SYT1: variants seen among roughly 807,000 people sequenced by gnomAD.
SYT1 encodes synaptotagmin-1.
SYT1 carries 8 observed loss-of-function variants against 44.8 expected under a neutral mutation model. The observed-to-expected ratio is 0.18, with a 90% CI of 0.10 to 0.32. The LOEUF is 0.32. SYT1 is among the 10% of genes least tolerant of loss of function. The pLI is 1.00. For synonymous variants in SYT1, 154 were observed against 188.8 expected (o/e 0.82, Z 1.51); for missense variants, 286 against 509.3 (o/e 0.56, Z 4.22).
At chr12:79,182,020 C>T (rs962429269) in intron 3 of SYT1, among the ~76,000 whole-genome samples, 16 of 152,082 alleles carry the variant, frequency 1.1e-4, no homozygotes, top group African/African-American at 3.9e-4. Context: ...TTTGTCTACA[C>T]ACATGTATAG....
intron 2 of SYT1, among the ~76,000 whole-genome samples, chr12:79,005,053 G>T: frequency 6.6e-6 from 1 of 151,906 alleles, no homozygotes; most frequent in Non-Finnish European, 1.5e-5. Context: ...TATTGTGTGG[G>T]CACAGTAAAA....
At chr12:79,258,013 G>A (rs1392101191) in intron 4 of SYT1, among the ~76,000 whole-genome samples, 1 of 151,946 alleles carries the variant, frequency 6.6e-6, no homozygotes. Context: ...AAAAGGCAAG[G>A]TTACTAAAAG....
chr12:79,287,758 C>T (rs1296458689), intron 5 of SYT1, among the ~76,000 whole-genome samples: 2 of 151,578 alleles, frequency 1.3e-5, no homozygotes, highest in South Asian at 2.1e-4. Context: ...TGTTTATTAC[C>T]CCTGTTATGA....
At chr12:79,117,359 A>C (rs1200969614) in intron 3 of SYT1, among the ~76,000 whole-genome samples, 1 of 152,026 alleles carries the variant, frequency 6.6e-6, no homozygotes, top group East Asian at 1.9e-4. Flanking sequence ...AAATTCGCCA[A>C]CTGCTGTTCT....
At chr12:79,289,087 T>C (rs1488886059) in intron 5 of SYT1, among the ~76,000 whole-genome samples, 1 of 152,214 alleles carries the variant, frequency 6.6e-6, no homozygotes, top group Non-Finnish European at 1.5e-5. Flanking sequence ...TGTGCTACTT[T>C]TCTAGTGCGC....
intron 2 of SYT1, among the ~76,000 whole-genome samples, chr12:78,988,570 G>A (rs1869812101): frequency 6.6e-6 from 1 of 151,954 alleles, no homozygotes; most frequent in Non-Finnish European, 1.5e-5. Context: ...CAAAGGCAAT[G>A]AAGAAAAGCA....
chr12:79,080,021 A>C (rs575886341), intron 3 of SYT1, among the ~76,000 whole-genome samples: 9 of 152,240 alleles, frequency 5.9e-5, no homozygotes, highest in Non-Finnish European at 1.2e-4. Flanking sequence ...AGAATCTTAA[A>C]TTCAAAGTAC....
At chr12:78,928,983 C>A (rs1877462339) in intron 1 of SYT1, among the ~76,000 whole-genome samples, 1 of 151,904 alleles carries the variant, frequency 6.6e-6, no homozygotes, top group African/African-American at 2.4e-5. Context: ...CAGGTTTGAA[C>A]TGTGCGAATC....
chr12:79,267,748 C>T (rs559068117), intron 4 of SYT1, among the ~76,000 whole-genome samples: 5 of 152,270 alleles, frequency 3.3e-5, no homozygotes, highest in Admixed American at 6.5e-5. Flanking sequence ...CGTTTACCAG[C>T]GCACTTCTCC....
rs561976600 is a variant in SYT1 at position 79,103,855 on chromosome 12, C to T, written c.-18+56493C>T. 2.0e-4 allele frequency among the ~76,000 whole-genome samples: 30 copies of T among 152,150 alleles called. No individual in the cohort carries two copies. The South Asian group carries it at 5.0e-3, about 25-fold the overall frequency. On this transcript the variant is annotated intron_variant, in intron 3 of 10. Transcript: ENST00000261205. ...ACAGATAATGCCAGAGGATGGGGCT[C>T]TCTTAAGAATATGTACTTACCCACA...
chr12:79,123,913 C>T (rs1345821911), intron 3 of SYT1, among the ~76,000 whole-genome samples: 1 of 152,164 alleles, frequency 6.6e-6, no homozygotes, highest in Non-Finnish European at 1.5e-5. Context: ...TAATTAAAGA[C>T]TCTTTAATGC....
intron 1 of SYT1, among the ~76,000 whole-genome samples, chr12:78,927,763 C>A (rs1480007765): frequency 6.6e-6 from 1 of 152,132 alleles, no homozygotes; most frequent in African/African-American, 2.4e-5. Flanking sequence ...CAGTTGCTTG[C>A]CTTTCTCTCT....
intron 9 of SYT1, among the ~76,000 whole-genome samples, chr12:79,362,965 G>C (rs944197669): frequency 6.6e-6 from 1 of 150,784 alleles, no homozygotes; most frequent in Non-Finnish European, 1.5e-5. Context: ...GGCTTACAAG[G>C]AGACATCTCT....
At chr12:79,038,219 A>G (rs1424327837) in intron 2 of SYT1, among the ~76,000 whole-genome samples, 1 of 151,086 alleles carries the variant, frequency 6.6e-6, no homozygotes, top group Non-Finnish European at 1.5e-5. Flanking sequence ...ACACACATAT[A>G]TATATACACA....
chr12:79,091,880 C>T (rs1024664473), intron 3 of SYT1, among the ~76,000 whole-genome samples: 1 of 151,922 alleles, frequency 6.6e-6, no homozygotes, highest in Non-Finnish European at 1.5e-5. Flanking sequence ...AAGTTTTAGG[C>T]TTGTTATACT....
intron 3 of SYT1, among the ~76,000 whole-genome samples, chr12:79,048,822 T>C (rs1050214324): frequency 2.6e-5 from 4 of 151,904 alleles, no homozygotes; most frequent in Non-Finnish European, 4.4e-5. Flanking sequence ...AGATATGAAA[T>C]AAGTGAGAAA....
chr12:78,934,770 G>C (rs1877958468), intron 1 of SYT1, among the ~76,000 whole-genome samples: 1 of 152,110 alleles, frequency 6.6e-6, no homozygotes, highest in South Asian at 2.1e-4. Flanking sequence ...AATAAGTCAA[G>C]GCTCTCTCTA....
At chr12:78,895,439 A>G (rs1875306776) in intron 1 of SYT1, among the ~76,000 whole-genome samples, 1 of 151,744 alleles carries the variant, frequency 6.6e-6, no homozygotes, top group Admixed American at 6.6e-5. Flanking sequence ...AGCAGACTAA[A>G]GAAAAACACA....
intron 1 of SYT1, among the ~76,000 whole-genome samples, chr12:78,871,009 AC>A (rs1335230134): frequency 6.6e-6 from 1 of 152,088 alleles, no homozygotes; most frequent in Non-Finnish European, 1.5e-5. Context: ...TTGTTTACTC[AC>A]AAGTGATCCA....
Sources: gnomAD v4.1 joint callset for allele counts (sites outside exome capture counted in the v4.1 genomes callset) on GRCh38, gnomAD v4.1.1 for gene constraint, MANE v1.5 for transcripts, NCBI Gene and HGNC (gene_info 2026-07-23, HGNC 2026-07-21) for gene names.